ZNF804A: variants seen among roughly 807,000 people sequenced by gnomAD.
ZNF804A encodes the protein zinc finger protein 804A.
A neutral mutation model predicts 16.5 loss-of-function variants in ZNF804A; 2 were observed. The observed-to-expected ratio is 0.12, with a 90% CI of 0.05 to 0.38. The LOEUF is 0.38. Ranked by LOEUF, ZNF804A falls within the 10% of genes least tolerant of loss-of-function variation. ZNF804A has a pLI of 0.99. For missense variants in ZNF804A, 1,473 were observed against 1,390.7 expected, an observed-to-expected ratio of 1.06 and a Z score of -0.94; for synonymous variants, 534 against 489.6, an observed-to-expected ratio of 1.09 and a Z score of -1.20.
chr2:184,818,282 C>G (rs1695014540), intron 1 of ZNF804A, among the ~76,000 whole-genome samples: 1 of 151,832 alleles, frequency 6.6e-6, no homozygotes, highest in African/African-American at 2.4e-5. Flanking sequence ...TAATTTGCAA[C>G]CCAGAATTGG....
chr2:184,686,059 G>C (rs887911628), intron 1 of ZNF804A, among the ~76,000 whole-genome samples: 1 of 152,228 alleles, frequency 6.6e-6, no homozygotes, highest in African/African-American at 2.4e-5. Context: ...AACAATGCCT[G>C]GGCTTGGCCA....
intron 1 of ZNF804A, among the ~76,000 whole-genome samples, chr2:184,618,540 G>A (rs1029103840): frequency 6.6e-6 from 1 of 152,036 alleles, no homozygotes; most frequent in Non-Finnish European, 1.5e-5. Flanking sequence ...ATATCCATAG[G>A]TTTCACAGGG....
chr2:184,778,711 C>G (rs540868513), intron 1 of ZNF804A, among the ~76,000 whole-genome samples: 1 of 151,678 alleles, frequency 6.6e-6, no homozygotes, highest in Non-Finnish European at 1.5e-5. Flanking sequence ...CTATTATATA[C>G]AGTTATTGTA....
intron 3 of ZNF804A, 30 bp downstream of exon 3, chr2:184,933,763 T>C (rs1330480421): frequency 1.9e-6 from 3 of 1,585,806 alleles, no homozygotes; most frequent in Admixed American, 1.9e-5. Flanking sequence ...GTAAGTTTTC[T>C]TAAAACATGA....
intron 1 of ZNF804A, among the ~76,000 whole-genome samples, chr2:184,604,119 G>GCACCAATAA (rs1559105427): frequency 2.8e-5 from 3 of 107,452 alleles, no homozygotes; most frequent in Non-Finnish European, 5.5e-5. Context: ...TGCACCAATA[G>GCACCAATAA]TTTCAGGTTA....
chr2:184,809,484 A>G (rs1254728573), intron 1 of ZNF804A, among the ~76,000 whole-genome samples: 2 of 151,836 alleles, frequency 1.3e-5, no homozygotes, highest in Non-Finnish European at 2.9e-5. Flanking sequence ...TATTTAGAAA[A>G]TTTGTTTATT....
chr2:184,870,525 C>T (rs1356134731), intron 2 of ZNF804A, among the ~76,000 whole-genome samples: 1 of 151,966 alleles, frequency 6.6e-6, no homozygotes, highest in Admixed American at 6.6e-5. Flanking sequence ...CTCTGAAACT[C>T]TGCTAACTCA....
chr2:184,629,263 T>A (rs930521820), intron 1 of ZNF804A, among the ~76,000 whole-genome samples: 3 of 151,870 alleles, frequency 2.0e-5, no homozygotes, highest in Admixed American at 6.6e-5. Context: ...TTAATAATAA[T>A]GTTATTTTTT....
At chr2:184,640,948 T>A (rs1451322228) in intron 1 of ZNF804A, among the ~76,000 whole-genome samples, 4 of 152,180 alleles carry the variant, frequency 2.6e-5, no homozygotes, top group Non-Finnish European at 2.9e-5. Flanking sequence ...TTATCTTTTT[T>A]AAAATTTTTT....
chr2:184,806,287 C>T (rs1694800612), intron 1 of ZNF804A, among the ~76,000 whole-genome samples: 1 of 151,678 alleles, frequency 6.6e-6, no homozygotes, highest in Non-Finnish European at 1.5e-5. Context: ...AGTCTTTTTC[C>T]CTCGTGTCTT....
At chr2:184,863,590 A>T (rs1322425253) in intron 1 of ZNF804A, among the ~76,000 whole-genome samples, 2 of 152,040 alleles carry the variant, frequency 1.3e-5, no homozygotes, top group African/African-American at 2.4e-5. Flanking sequence ...AATAAGAGCT[A>T]ATCAAATATT....
At position 184,935,903 on chromosome 2, in the gene ZNF804A, T is replaced by G. The variant is rs1354278961; in HGVS notation, c.507T>G (p.Thr169=). 6.2e-7 allele frequency: 1 copy of G among 1,613,948 alleles called. No homozygotes were observed. The highest frequency in any genetic ancestry group is 1.7e-5 in the Admixed American group (1 of 59,984). Residue 169 remains threonine (T), a synonymous_variant, in exon 4 of 4, where the codon ACT becomes ACG. Transcript: ENST00000302277. The part of the protein sequence containing the change: ...SVNNQQDFKY[T]LIHSEENTKD... ...ATAACCAGCAAGATTTCAAATATAC[T>G]TTGATTCATAGTGAAGAGAATACTA...
At chr2:184,753,159 T>C (rs1441517717) in intron 1 of ZNF804A, among the ~76,000 whole-genome samples, 1 of 151,716 alleles carries the variant, frequency 6.6e-6, no homozygotes, top group Non-Finnish European at 1.5e-5. Flanking sequence ...TGGGGTTTTA[T>C]ATTTGCCTTA....
In ZNF804A at chr2:184,856,634, A is replaced by G. The variant is rs954210621; in HGVS notation, c.112-9735A>G. The stretch of plus-strand genomic sequence containing the variant: ...GGAATGATGGTGATACCAAACAACC[A>G]CAGATCGTACAGAAGTGGCTGAGAT... On this transcript the variant is annotated intron_variant, in intron 1 of 3. Transcript: ENST00000302277. 2.0e-5 allele frequency among the ~76,000 whole-genome samples: 3 copies of G among 152,252 alleles called. No individual in the cohort carries two copies. The South Asian group carries it at 6.2e-4, about 32-fold the overall frequency.
At chr2:184,925,260 A>T (rs1461562062) in intron 2 of ZNF804A, among the ~76,000 whole-genome samples, 2 of 151,670 alleles carry the variant, frequency 1.3e-5, no homozygotes, top group East Asian at 3.9e-4. Context: ...CTTCTTGTTG[A>T]TTTGATCTTT....
intron 1 of ZNF804A, among the ~76,000 whole-genome samples, chr2:184,613,476 T>A (rs1691270799): frequency 6.6e-6 from 1 of 152,112 alleles, no homozygotes; most frequent in Non-Finnish European, 1.5e-5. Context: ...GGCCGACCAA[T>A]ATAATACCAG....
chr2:184,682,175 C>A (rs1262295774), intron 1 of ZNF804A, among the ~76,000 whole-genome samples: 1 of 152,122 alleles, frequency 6.6e-6, no homozygotes, highest in Admixed American at 6.5e-5. Flanking sequence ...GAGGCAGACA[C>A]ATTCCTGTGT....
chr2:184,871,241 C>T (rs1695968392), intron 2 of ZNF804A, among the ~76,000 whole-genome samples: 1 of 151,680 alleles, frequency 6.6e-6, no homozygotes, highest in Admixed American at 6.6e-5. Context: ...AAAACTTGGA[C>T]CTACAGTAAT....
intron 1 of ZNF804A, among the ~76,000 whole-genome samples, chr2:184,687,129 T>C (rs1692649472): frequency 6.6e-6 from 1 of 152,204 alleles, no homozygotes; most frequent in South Asian, 2.1e-4. Flanking sequence ...TTTGTAGGTT[T>C]GCTTCTGGGA....
Sources: allele counts gnomAD v4.1 joint callset (sites outside exome capture counted in the v4.1 genomes callset), GRCh38; gene constraint gnomAD v4.1.1; transcripts MANE v1.5; gene names NCBI Gene and HGNC (gene_info 2026-07-23, HGNC 2026-07-21).